Variants in SLC39A10 observed in about 807,000 individuals in gnomAD.
SLC39A10 encodes solute carrier family 39 member 10, also known as zinc transporter ZIP10.
SLC39A10 carries 13 observed loss-of-function variants against 65.1 expected under a neutral mutation model. That is an observed-to-expected ratio of 0.20 (90% confidence interval 0.13 to 0.32). The LOEUF (loss-of-function observed/expected upper bound fraction) is 0.32. Among genes scored for constraint, SLC39A10 ranks in the 10% least tolerant of loss-of-function variants. The pLI is 1.00. For missense variants in SLC39A10, 831 were observed against 1,018.4 expected, an observed-to-expected ratio of 0.82 and a Z score of 2.50; for synonymous variants, 321 against 342.2, an observed-to-expected ratio of 0.94 and a Z score of 0.68.
rs534273057 is a variant in SLC39A10, at chr2:195,622,929, G to A, written c.-12+16696G>A. ...AGAGGTTGCAGTGAGCCGAGATGGCGCCCCTGCACTCCAGCCTGGGTGACA... is the reference window on the plus strand; with the variant it reads ...AGAGGTTGCAGTGAGCCGAGATGGCACCCCTGCACTCCAGCCTGGGTGACA... On this transcript the variant is annotated intron_variant, in intron 2 of 2. Transcript: ENST00000458054. Among the ~76,000 whole-genome samples, 6 of 133,194 alleles carry A rather than the reference G, an allele frequency of 4.5e-5. No individual in the cohort carries two copies. The South Asian group carries it at 1.4e-3, about 31-fold the overall frequency. The allele number at this position is 133,194 out of a possible 152,430, so 87.4% of individuals were successfully genotyped here. A position where few individuals can be genotyped will look rare whatever the true frequency, so the allele number is the denominator to read the frequency against.
intron 2 of SLC39A10, among the ~76,000 whole-genome samples, chr2:195,622,841 C>T (rs1276743881): frequency 2.6e-5 from 4 of 151,912 alleles, no homozygotes; most frequent in South Asian, 2.1e-4. Context: ...GGTGTGGTGG[C>T]GGGCACCTGT....
chr2:195,703,885 C>T (rs1168025153), intron 3 of SLC39A10, among the ~76,000 whole-genome samples: 1 of 152,152 alleles, frequency 6.6e-6, no homozygotes, highest in East Asian at 1.9e-4. Context: ...AACTCCTGAC[C>T]TTAATCAGCC....
intron 1 of SLC39A10, among the ~76,000 whole-genome samples, chr2:195,663,140 C>T (rs551307814): frequency 6.6e-6 from 1 of 152,274 alleles, no homozygotes; most frequent in African/African-American, 2.4e-5. Flanking sequence ...TTGTGTCTTC[C>T]TTGTAACTCT....
In SLC39A10 at chr2:195,714,278, T is replaced by A. The variant is rs370935994; in HGVS notation, c.1696+725T>A. 1.9e-4 allele frequency among the ~76,000 whole-genome samples: 29 copies of A among 152,182 alleles called. No individual in the cohort carries two copies. In the East Asian group the frequency reaches 5.4e-3, roughly 28 times the overall value. ...TGTCTAGCTTGCTAGTGTCTCCTCC[T>A]ATGAAAAAAGGTAGATGTTTGGACA... On this transcript the variant is annotated intron_variant, in intron 6 of 9. Coordinates refer to ENST00000359634, the MANE Select transcript of SLC39A10 (RefSeq NM_020342.3).
chr2:195,659,704 C>A (rs1462285058), intron 1 of SLC39A10, among the ~76,000 whole-genome samples: 1 of 152,284 alleles, frequency 6.6e-6, no homozygotes, highest in African/African-American at 2.4e-5. Flanking sequence ...ATTTGAACTT[C>A]AAGTACAAAA....
chr2:195,675,268 G>A (rs534745406), intron 1 of SLC39A10, among the ~76,000 whole-genome samples: 1 of 152,190 alleles, frequency 6.6e-6, no homozygotes, highest in Non-Finnish European at 1.5e-5. Context: ...GGTTATCTTG[G>A]GACTCTGAGG....
intron 3 of SLC39A10, among the ~76,000 whole-genome samples, chr2:195,704,998 G>A (rs377301843): frequency 2.0e-5 from 3 of 151,912 alleles, no homozygotes; most frequent in Non-Finnish European, 4.4e-5. Context: ...GAGTTTCACC[G>A]TGTTGCCCAG....
intron 1 of SLC39A10, chr2:195,670,479 C>T (rs1014034627): frequency 2.0e-5 from 3 of 151,922 alleles, no homozygotes; most frequent in African/African-American, 7.3e-5. Flanking sequence ...AAGCACACAC[C>T]CTAATTCCTT....
At chr2:195,727,083 T>C (rs1692268882) in intron 8 of SLC39A10, among the ~76,000 whole-genome samples, 1 of 152,202 alleles carries the variant, frequency 6.6e-6, no homozygotes, top group Admixed American at 6.5e-5. Context: ...GCAATATTTT[T>C]TTCCCCCTAA....
intron 2 of SLC39A10, among the ~76,000 whole-genome samples, chr2:195,623,547 C>T (rs1688394884): frequency 6.6e-6 from 1 of 152,164 alleles, no homozygotes; most frequent in African/African-American, 2.4e-5. Context: ...TGGTACTCCA[C>T]AGTTACAATC....
intron 3 of SLC39A10, among the ~76,000 whole-genome samples, chr2:195,687,049 G>A (rs564511927): frequency 1.3e-5 from 2 of 152,292 alleles, no homozygotes; most frequent in East Asian, 1.9e-4. Context: ...AGGAGAGAAA[G>A]TGGGGCTTTG....
chr2:195,615,658 A>G (rs1406049083), intron 2 of SLC39A10, among the ~76,000 whole-genome samples: 2 of 152,134 alleles, frequency 1.3e-5, no homozygotes, highest in Non-Finnish European at 2.9e-5. Flanking sequence ...TTGGCAGTCC[A>G]TTCACTTACA....
chr2:195,670,362 G>A (rs1392507985), intron 1 of SLC39A10: 1 of 151,612 alleles, frequency 6.6e-6, no homozygotes, highest in Non-Finnish European at 1.5e-5. Context: ...TTTTTGTGGT[G>A]ACAACATTCA....
chr2:195,712,190 G>T (rs529924849), intron 5 of SLC39A10, among the ~76,000 whole-genome samples: 2 of 152,356 alleles, frequency 1.3e-5, no homozygotes, highest in Admixed American at 1.3e-4. Flanking sequence ...TTCTAGGAGA[G>T]ACCAATCTTC....
intron 1 of SLC39A10, among the ~76,000 whole-genome samples, chr2:195,667,661 C>T (rs1036557291): frequency 1.3e-5 from 2 of 152,116 alleles, no homozygotes; most frequent in Admixed American, 1.3e-4. Context: ...CTTTACAAAG[C>T]AGTTTCGTAT....
intron 2 of SLC39A10, 128 bp from the exon 3 acceptor site, chr2:195,683,571 A>G (rs989993576): frequency 1.5e-6 from 1 of 669,856 alleles, no homozygotes; most frequent in Non-Finnish European, 2.4e-6. Context: ...TTTATTTGTA[A>G]TAGATATCTA....
chr2:195,726,091 T>G (rs1176712239), intron 8 of SLC39A10, among the ~76,000 whole-genome samples: 1 of 152,200 alleles, frequency 6.6e-6, no homozygotes, highest in African/African-American at 2.4e-5. Flanking sequence ...ACCACAGTTT[T>G]TAAAAGTATT....
intron 3 of SLC39A10, among the ~76,000 whole-genome samples, chr2:195,689,996 G>A (rs1690667996): frequency 6.6e-6 from 1 of 151,862 alleles, no homozygotes; most frequent in Non-Finnish European, 1.5e-5. Context: ...GACCAACATG[G>A]TGAAACCTCA....
chr2:195,639,169 G>A (rs1397774033), intron 2 of SLC39A10, among the ~76,000 whole-genome samples: 1 of 151,984 alleles, frequency 6.6e-6, no homozygotes, highest in African/African-American at 2.4e-5. Context: ...CCAGGCTGGT[G>A]GTGAACTTCT....
Sources: allele counts gnomAD v4.1 joint callset (sites outside exome capture counted in the v4.1 genomes callset), GRCh38; gene constraint gnomAD v4.1.1; transcripts MANE v1.5; gene names NCBI Gene and HGNC (gene_info 2026-07-23, HGNC 2026-07-21).